The following ARAP2 variants were observed in gnomAD, a reference collection of about 807,000 sequenced individuals.
The protein encoded by ARAP2 is ArfGAP with RhoGAP domain, ankyrin repeat and PH domain 2, also known as arf-GAP with Rho-GAP domain, ANK repeat and PH domain-containing protein 2.
Under a neutral mutation model 194.5 loss-of-function variants are expected in ARAP2, and 148 were observed. The observed-to-expected ratio is 0.76, with a 90% confidence interval of 0.67 to 0.87. The LOEUF (loss-of-function observed/expected upper bound fraction) is 0.87. ARAP2 is among the 40% of genes least tolerant of loss of function. ARAP2 has a pLI of 0.00. For synonymous variants in ARAP2, 695 were observed against 683.5 expected (o/e 1.02, Z -0.26); for missense variants, 2,128 against 1,989.7 (o/e 1.07, Z -1.32).
chr4:36,208,665 C>T (rs1175375502), intron 6 of ARAP2, among the ~76,000 whole-genome samples: 2 of 152,296 alleles, frequency 1.3e-5, no homozygotes, highest in African/African-American at 4.8e-5. Flanking sequence ...GAAAAATTCT[C>T]GATTCTACTT....
intron 26 of ARAP2, among the ~76,000 whole-genome samples, chr4:36,113,683 G>A (rs903872184): frequency 6.6e-6 from 1 of 151,992 alleles, no homozygotes; most frequent in South Asian, 2.1e-4. Context: ...GGGTAGTCAA[G>A]GTGCTTTAAA....
intron 1 of ARAP2, among the ~76,000 whole-genome samples, chr4:36,239,868 A>AC (rs944305707): frequency 6.6e-6 from 1 of 152,170 alleles, no homozygotes; most frequent in Non-Finnish European, 1.5e-5. Context: ...ACATACCTGG[A>AC]CTTTTTTTCT....
intron 19 of ARAP2, among the ~76,000 whole-genome samples, chr4:36,142,101 C>T (rs1378468848): frequency 6.6e-6 from 1 of 151,656 alleles, no homozygotes; most frequent in Non-Finnish European, 1.5e-5. Flanking sequence ...TTCATAGCAT[C>T]ACCCATGCCA....
intron 27 of ARAP2, among the ~76,000 whole-genome samples, chr4:36,099,744 T>A (rs1015649177): frequency 6.6e-6 from 1 of 152,124 alleles, no homozygotes; most frequent in African/African-American, 2.4e-5. Context: ...CTCTGCTAGA[T>A]CGCAGACAGT....
chr4:36,142,130 C>T (rs1455783460), intron 19 of ARAP2, among the ~76,000 whole-genome samples: 1 of 151,692 alleles, frequency 6.6e-6, no homozygotes, highest in African/African-American at 2.4e-5. Flanking sequence ...GGGATCATCA[C>T]TCTTATCTCC....
intron 9 of ARAP2, among the ~76,000 whole-genome samples, chr4:36,168,718 C>A (rs1238226384): frequency 6.6e-6 from 1 of 152,042 alleles, no homozygotes; most frequent in African/African-American, 2.4e-5. Flanking sequence ...ACTAATGGTT[C>A]ACTGTACTAG....
intron 13 of ARAP2, 49 bp downstream of exon 13, chr4:36,160,410 A>G: frequency 4.9e-6 from 7 of 1,416,844 alleles, no homozygotes. Flanking sequence ...TTGGCACATC[A>G]TTAAAAAGAC....
intron 7 of ARAP2, among the ~76,000 whole-genome samples, chr4:36,192,117 T>A (rs1313317619): frequency 6.7e-6 from 1 of 149,720 alleles, no homozygotes; most frequent in Non-Finnish European, 1.5e-5. Context: ...GCTAGAAGAG[T>A]CACAACAGAA....
intron 6 of ARAP2, among the ~76,000 whole-genome samples, chr4:36,201,190 C>T (rs1000780555): frequency 2.0e-5 from 3 of 152,152 alleles, no homozygotes; most frequent in Non-Finnish European, 4.4e-5. Flanking sequence ...ATTATTATAT[C>T]CATTTTAGAG....
chr4:36,205,749 C>T (rs185715109), intron 6 of ARAP2, among the ~76,000 whole-genome samples: 1 of 152,324 alleles, frequency 6.6e-6, no homozygotes, highest in Non-Finnish European at 1.5e-5. Context: ...TTGAGTCACA[C>T]AGCAAATGAA....
At chr4:36,083,561 A>G (rs1730112138) in intron 28 of ARAP2, 111 bp from the exon 29 acceptor site, 4 of 744,744 alleles carry the variant, frequency 5.4e-6, no homozygotes, top group Non-Finnish European at 8.4e-6. Flanking sequence ...GTGTTTCATA[A>G]AACAAACATT....
At position 36,066,549 on chromosome 4, in the gene ARAP2, T is replaced by G. The variant is rs558699932; in HGVS notation, c.*1358A>C. 6.6e-6 allele frequency: 1 copy of G among 151,396 alleles called. No individual in the cohort carries two copies. Among genetic ancestry groups the G allele is most frequent in the Non-Finnish European group, 1.5e-5 (1 of 67,904 alleles). The allele number at this position is 151,396 out of a possible 1,614,324, so 9.4% of individuals were successfully genotyped here. A position where few individuals can be genotyped will look rare whatever the true frequency, so the allele number is the denominator to read the frequency against. On this transcript the variant is annotated 3_prime_UTR_variant, in exon 33 of 33. Coordinates refer to ENST00000303965, the MANE Select transcript of ARAP2 (RefSeq NM_015230.4). Reference sequence around the variant, plus strand: ...GAAGTATGGGCCTGTGAATATAGATTGAAAAATAAAAAAGAAATGCTAAAA... The same window carrying G: ...GAAGTATGGGCCTGTGAATATAGATGGAAAAATAAAAAAGAAATGCTAAAA...
chr4:36,050,131 A>T (rs1722428115), intron 3 of ARAP2, among the ~76,000 whole-genome samples: 1 of 152,128 alleles, frequency 6.6e-6, no homozygotes, highest in Non-Finnish European at 1.5e-5. Context: ...TTATGTATTG[A>T]CAAGACTTTA....
chr4:36,207,063 T>C (rs937726744), intron 6 of ARAP2, among the ~76,000 whole-genome samples: 1 of 152,244 alleles, frequency 6.6e-6, no homozygotes, highest in African/African-American at 2.4e-5. Context: ...GATGTTAATT[T>C]ATGCATCTCC....
At chr4:36,036,560 T>C (rs1002279640) in intron 5 of ARAP2, among the ~76,000 whole-genome samples, 3 of 152,078 alleles carry the variant, frequency 2.0e-5, no homozygotes, top group African/African-American at 7.2e-5. Flanking sequence ...AAAATGAAGA[T>C]AAAAAGTGTC....
rs550673215 is a variant in ARAP2, at chr4:36,150,539, G to T, written c.2897+361C>A. Among the ~76,000 whole-genome samples the T allele has an allele frequency of 7.2e-5, 11 of 152,080 alleles. No individual in the cohort carries two copies. The East Asian group carries it at 1.7e-3, about 24-fold the overall frequency. On this transcript the variant is annotated intron_variant, in intron 16 of 32. Transcript: ENST00000303965. ...CATGTGCAATCCCAGTTACTCGGGA[G>T]GCTGAGGCAGGAGAATCACTTGAAC...
In ARAP2 at chr4:36,117,092, C is replaced by T. The variant is rs1327176370; in HGVS notation, c.4007G>A (p.Arg1336Lys). ...TATAATACTACAGTCGGGTTCCTTC[C>T]TTTCTACATATACTTCAATTAACAA... The part of the protein sequence containing the change: ...GDLLIEVYVE[R>K]KEPDCSIIIR... Residue 1336 changes from arginine (R) to lysine (K), a missense_variant, in exon 25 of 33, where the codon AGG becomes AAG. Transcript: ENST00000303965. The T allele has an allele frequency of 1.3e-6, 2 of 1,599,824 alleles. No homozygotes were observed. The highest frequency in any genetic ancestry group is 8.5e-7 in the Non-Finnish European group (1 of 1,173,440).
chr4:36,053,789 C>T (rs1199374566), intron 2 of ARAP2, among the ~76,000 whole-genome samples: 2 of 152,134 alleles, frequency 1.3e-5, no homozygotes, highest in African/African-American at 4.8e-5. Context: ...AATCAAATCC[C>T]AGAGGGCCGG....
At chr4:36,091,858 G>A in intron 28 of ARAP2, 23 bp downstream of exon 28, 1 of 1,555,450 alleles carries the variant, frequency 6.4e-7, no homozygotes. Context: ...AAATAAAAAT[G>A]TACGCATGTT....
Sources: gnomAD v4.1 joint callset for allele counts (sites outside exome capture counted in the v4.1 genomes callset) on GRCh38, gnomAD v4.1.1 for gene constraint, MANE v1.5 for transcripts, NCBI Gene and HGNC (gene_info 2026-07-23, HGNC 2026-07-21) for gene names.